KIF16B: variants seen among roughly 807,000 people sequenced by gnomAD.
KIF16B encodes kinesin-like protein KIF16B.
KIF16B carries 98 observed loss-of-function variants against 156.3 expected under a neutral mutation model. That is an observed-to-expected ratio of 0.63 (90% CI 0.53 to 0.74). The LOEUF (loss-of-function observed/expected upper bound fraction) is 0.74. Among genes scored for constraint, KIF16B ranks in the 30% least tolerant of loss-of-function variants. The probability of loss-of-function intolerance (pLI) is 0.00; values close to 1 mark genes in which losing one functional copy is unlikely to be tolerated. For missense variants in KIF16B, 1,421 were observed against 1,606.5 expected, an observed-to-expected ratio of 0.88 and a Z score of 1.97; for synonymous variants, 564 against 583.7, an observed-to-expected ratio of 0.97 and a Z score of 0.49.
At chr20:16,374,506 A>T (rs2064898471) in intron 19 of KIF16B, 97 bp from the exon 20 acceptor site, 1 of 1,157,028 alleles carries the variant, frequency 8.6e-7, no homozygotes, top group Non-Finnish European at 1.2e-6. Flanking sequence ...GGGGAACAAG[A>T]TCTGTCCTCT....
chr20:16,503,921 G>C (rs544403169), intron 10 of KIF16B, among the ~76,000 whole-genome samples: 1 of 152,140 alleles, frequency 6.6e-6, no homozygotes, highest in South Asian at 2.1e-4. Flanking sequence ...TGTGTCGCGG[G>C]GCCACCAGAA....
At chr20:16,402,976 A>G (rs1022797708) in intron 17 of KIF16B, among the ~76,000 whole-genome samples, 8 of 152,344 alleles carry the variant, frequency 5.3e-5, no homozygotes, top group Non-Finnish European at 1.2e-4. Flanking sequence ...CATCTCACGT[A>G]TATATGTAAG....
chr20:16,437,320 C>T (rs574653010), intron 12 of KIF16B, among the ~76,000 whole-genome samples: 1 of 152,336 alleles, frequency 6.6e-6, no homozygotes, highest in Non-Finnish European at 1.5e-5. Flanking sequence ...CAAGGAACCA[C>T]TGGACATCCA....
At chr20:16,424,734 A>T (rs1403400935) in intron 15 of KIF16B, among the ~76,000 whole-genome samples, 3 of 152,052 alleles carry the variant, frequency 2.0e-5, no homozygotes, top group Non-Finnish European at 4.4e-5. Context: ...GAGGGCCATG[A>T]CAGCCAAGCA....
intron 17 of KIF16B, among the ~76,000 whole-genome samples, chr20:16,385,567 T>A (rs372136073): frequency 5.9e-5 from 9 of 152,190 alleles, no homozygotes; most frequent in African/African-American, 1.9e-4. Context: ...AGGCCCCACC[T>A]CAAAGGGCTG....
chr20:16,534,630 G>A (rs2069886220), intron 1 of KIF16B, among the ~76,000 whole-genome samples: 1 of 152,162 alleles, frequency 6.6e-6, no homozygotes, highest in South Asian at 2.1e-4. Flanking sequence ...TCTTCTAGTA[G>A]TTTTGTAATT....
intron 12 of KIF16B, among the ~76,000 whole-genome samples, chr20:16,453,281 A>G (rs2067132990): frequency 6.6e-6 from 1 of 152,250 alleles, no homozygotes; most frequent in East Asian, 1.9e-4. Flanking sequence ...CAATCAATCA[A>G]TAAGATAAAA....
rs1444200316 is a variant in KIF16B at position 16,374,467 on chromosome 20, CTG to C, written c.3198-60_3198-59del. ...TAATAGTATTTCCCGAGCATCCTTA[CTG>C]TGTGAGACATTGCTTTAGATAGCAT... On this transcript the variant is annotated intron_variant, in intron 19 of 25. Transcript: ENST00000354981. The C allele has an allele frequency of 2.8e-6, 4 of 1,418,454 alleles. No individual in the cohort carries two copies. The African/African-American group carries it at 5.7e-5, about 20-fold the overall frequency. The allele number at this position is 1,418,454 out of a possible 1,614,324, so 87.9% of individuals were successfully genotyped here.
At chr20:16,346,083 T>A (rs1337094353) in intron 23 of KIF16B, among the ~76,000 whole-genome samples, 1 of 152,212 alleles carries the variant, frequency 6.6e-6, no homozygotes, top group Non-Finnish European at 1.5e-5. Context: ...TGTCCGCAAC[T>A]GTGTAACAGT....
At position 16,400,693 on chromosome 20, in the gene KIF16B, A is replaced by G. The variant is rs1160745274; in HGVS notation, c.1784+4120T>C. 3.3e-5 allele frequency among the ~76,000 whole-genome samples: 5 copies of G among 152,350 alleles called. No individual in the cohort carries two copies. In the East Asian group the frequency reaches 9.6e-4, roughly 29 times the overall value. ...ATTATTTGGCCACAAAAAGAAAGGAAGTTCTGACACATGCTATATGGTGGA... is the reference window on the plus strand; with the variant it reads ...ATTATTTGGCCACAAAAAGAAAGGAGGTTCTGACACATGCTATATGGTGGA... On this transcript the variant is annotated intron_variant, in intron 17 of 25. Transcript: ENST00000354981.
intron 25 of KIF16B, among the ~76,000 whole-genome samples, chr20:16,280,841 C>CGCGTGT (rs112026824): frequency 3.2e-4 from 24 of 74,464 alleles, no homozygotes; most frequent in African/African-American, 6.0e-4. Context: ...TGCGCGCGCA[C>CGCGTGT]GTGTGTGTGT....
chr20:16,500,274 A>C (rs1419599370), intron 10 of KIF16B, among the ~76,000 whole-genome samples: 1 of 152,190 alleles, frequency 6.6e-6, no homozygotes, highest in East Asian at 1.9e-4. Flanking sequence ...ATGTACAGAA[A>C]GCATTTGAAA....
chr20:16,369,443 AT>A (rs1354694610), intron 22 of KIF16B, among the ~76,000 whole-genome samples: 1 of 138,964 alleles, frequency 7.2e-6, no homozygotes, highest in Non-Finnish European at 1.5e-5. Context: ...TGATTCATAC[AT>A]AGAACATCAA....
intron 1 of KIF16B, among the ~76,000 whole-genome samples, chr20:16,564,397 G>A (rs6131842): frequency 0.33 from 49,570 of 151,944 alleles, 8,428 homozygotes; most frequent in Non-Finnish European, 0.38. Flanking sequence ...ATAAACATAC[G>A]TGTGCATCGC....
chr20:16,514,509 C>T (rs2069066297), intron 4 of KIF16B, among the ~76,000 whole-genome samples: 1 of 150,360 alleles, frequency 6.7e-6, no homozygotes, highest in Admixed American at 6.7e-5. Flanking sequence ...CAATCATCTT[C>T]CACTAGTGTC....
intron 12 of KIF16B, among the ~76,000 whole-genome samples, chr20:16,466,639 C>T (rs1023003433): frequency 1.2e-4 from 18 of 152,204 alleles, no homozygotes; most frequent in East Asian, 7.7e-4. Flanking sequence ...TCCCCAGCCA[C>T]GTGGAACTGT....
At chr20:16,507,131 T>C (rs550929374) in intron 7 of KIF16B, among the ~76,000 whole-genome samples, 1 of 150,458 alleles carries the variant, frequency 6.6e-6, no homozygotes, top group Non-Finnish European at 1.5e-5. Context: ...GATGGTAATA[T>C]GCTAATCAAG....
At chr20:16,445,975 A>G (rs2066920841) in intron 12 of KIF16B, among the ~76,000 whole-genome samples, 1 of 152,192 alleles carries the variant, frequency 6.6e-6, no homozygotes, top group Admixed American at 6.5e-5. Flanking sequence ...GAAAAAATAA[A>G]ACCCTGTATT....
At chr20:16,409,574 G>A (rs572734996) in intron 15 of KIF16B, among the ~76,000 whole-genome samples, 7 of 152,188 alleles carry the variant, frequency 4.6e-5, no homozygotes, top group African/African-American at 1.4e-4. Context: ...AGCAAGCCAG[G>A]TGGCTACTAC....
Sources: allele counts gnomAD v4.1 joint callset (sites outside exome capture counted in the v4.1 genomes callset), GRCh38; gene constraint gnomAD v4.1.1; transcripts MANE v1.5; gene names NCBI Gene and HGNC (gene_info 2026-07-23, HGNC 2026-07-21).